Variants in NAALADL2 observed in about 807,000 individuals in gnomAD.
NAALADL2 encodes the protein N-acetylated alpha-linked acidic dipeptidase like 2, also known as inactive N-acetylated-alpha-linked acidic dipeptidase-like protein 2.
A neutral mutation model predicts 87.2 loss-of-function variants in NAALADL2; 76 were observed. That is an observed-to-expected ratio of 0.87 (90% CI 0.72 to 1.05). The LOEUF (loss-of-function observed/expected upper bound fraction) is 1.05, where lower values mean the gene tolerates loss of function less well. Among genes scored for constraint, NAALADL2 ranks in the 50% least tolerant of loss-of-function variants. The probability of loss-of-function intolerance (pLI) is 0.00; values close to 1 mark genes in which losing one functional copy is unlikely to be tolerated. For missense variants in NAALADL2, 1,089 were observed against 945.8 expected, an observed-to-expected ratio of 1.15 and a Z score of -1.99; for synonymous variants, 354 against 331.0, an observed-to-expected ratio of 1.07 and a Z score of -0.75.
At chr3:175,216,414 G>T (rs1742528296) in intron 2 of NAALADL2, among the ~76,000 whole-genome samples, 2 of 152,148 alleles carry the variant, frequency 1.3e-5, no homozygotes, top group African/African-American at 4.8e-5. Flanking sequence ...GATAGATGCA[G>T]ATAGTTGCAA....
intron 2 of NAALADL2, among the ~76,000 whole-genome samples, chr3:174,709,286 C>T (rs1326129603): frequency 6.6e-6 from 1 of 151,984 alleles, no homozygotes; most frequent in East Asian, 1.9e-4. Context: ...TCCTTGCAGT[C>T]AAAGTAAGAA....
chr3:175,698,503 A>ATATATATATATATATAT (rs1491393693), intron 11 of NAALADL2, among the ~76,000 whole-genome samples: 9 of 141,324 alleles, frequency 6.4e-5, no homozygotes, highest in African/African-American at 1.4e-4. Context: ...ATATATATAT[A>ATATATATATATATATAT]AAATCTCCAA....
At chr3:175,688,216 G>A (rs1185915673) in intron 11 of NAALADL2, among the ~76,000 whole-genome samples, 2 of 152,132 alleles carry the variant, frequency 1.3e-5, no homozygotes, top group South Asian at 2.1e-4. Context: ...ATTAATGAAC[G>A]ACCTCTTGCT....
At chr3:175,311,555 G>A (rs1758363031) in intron 4 of NAALADL2, among the ~76,000 whole-genome samples, 1 of 152,044 alleles carries the variant, frequency 6.6e-6, no homozygotes, top group Non-Finnish European at 1.5e-5. Flanking sequence ...GGTGGAATCA[G>A]TATATCTTAT....
At chr3:174,986,211 A>G (rs1285047690) in intron 1 of NAALADL2, among the ~76,000 whole-genome samples, 4 of 149,540 alleles carry the variant, frequency 2.7e-5, no homozygotes, top group Non-Finnish European at 4.4e-5. Flanking sequence ...AATACCTAGC[A>G]CCCACTGCTC....
At chr3:174,575,131 T>TA (rs1378015111) in intron 2 of NAALADL2, among the ~76,000 whole-genome samples, 1 of 151,972 alleles carries the variant, frequency 6.6e-6, no homozygotes, top group Admixed American at 6.6e-5. Flanking sequence ...GTTAATTTTT[T>TA]AAAAAAAATT....
intron 2 of NAALADL2, among the ~76,000 whole-genome samples, chr3:174,723,254 T>A (rs551233044): frequency 6.6e-6 from 1 of 152,226 alleles, no homozygotes; most frequent in Admixed American, 6.5e-5. Flanking sequence ...GTGAATTAAG[T>A]TAATTCACCT....
At chr3:175,174,843 GACACACAC>G (rs139298739) in intron 2 of NAALADL2, among the ~76,000 whole-genome samples, 11 of 150,638 alleles carry the variant, frequency 7.3e-5, no homozygotes, top group East Asian at 2.0e-4. Context: ...CATGCACACA[GACACACAC>G]ACACACACAC....
At chr3:174,958,410 T>C (rs1741467352) in intron 1 of NAALADL2, among the ~76,000 whole-genome samples, 1 of 151,988 alleles carries the variant, frequency 6.6e-6, no homozygotes, top group Non-Finnish European at 1.5e-5. Flanking sequence ...GTGTCAGGAA[T>C]GGGAAGCACA....
At chr3:175,511,110 G>C (rs182853507) in intron 9 of NAALADL2, among the ~76,000 whole-genome samples, 219 of 152,242 alleles carry the variant, frequency 1.4e-3, no homozygotes, top group Non-Finnish European at 2.7e-3. Flanking sequence ...GATAGTAAAA[G>C]TCAAATAGAT....
At chr3:175,386,844 C>T (rs1473196337) in intron 5 of NAALADL2, among the ~76,000 whole-genome samples, 1 of 152,022 alleles carries the variant, frequency 6.6e-6, no homozygotes, top group East Asian at 1.9e-4. Context: ...TGCGGTATCC[C>T]AGTGCTCGTG....
intron 1 of NAALADL2, among the ~76,000 whole-genome samples, chr3:175,057,059 C>T (rs1712358425): frequency 6.6e-6 from 1 of 152,170 alleles, no homozygotes; most frequent in Non-Finnish European, 1.5e-5. Context: ...AAGTTGCTTT[C>T]ACATTGACTA....
At chr3:175,410,019 A>T (rs928109262) in intron 5 of NAALADL2, among the ~76,000 whole-genome samples, 10 of 152,240 alleles carry the variant, frequency 6.6e-5, no homozygotes, top group African/African-American at 2.4e-4. Context: ...ATAACCAAAC[A>T]TAATTGTATA....
At chr3:175,321,411 C>A (rs1001829891) in intron 4 of NAALADL2, among the ~76,000 whole-genome samples, 10 of 108,308 alleles carry the variant, frequency 9.2e-5, no homozygotes, top group African/African-American at 4.6e-4. Context: ...GAAGCATTCC[C>A]TTTGAAAACT....
intron 1 of NAALADL2, among the ~76,000 whole-genome samples, chr3:175,087,236 G>A (rs1041041941): frequency 1.3e-5 from 2 of 152,086 alleles, no homozygotes; most frequent in African/African-American, 4.8e-5. Flanking sequence ...TTTGAGGAAG[G>A]TGGGGGGCAG....
chr3:175,253,863 G>C (rs62285903), intron 3 of NAALADL2, among the ~76,000 whole-genome samples: 22,959 of 152,086 alleles, frequency 0.15, 2,170 homozygotes, highest in Admixed American at 0.25. Flanking sequence ...AGTTGAACCT[G>C]AAGATGTGAC....
At chr3:174,997,079 G>A (rs1747598171) in intron 1 of NAALADL2, among the ~76,000 whole-genome samples, 1 of 140,642 alleles carries the variant, frequency 7.1e-6, no homozygotes, top group South Asian at 2.3e-4. Context: ...TAATCCACTC[G>A]TTGGTCCATG....
At chr3:175,067,723 C>T (rs1714797320) in intron 1 of NAALADL2, among the ~76,000 whole-genome samples, 1 of 152,040 alleles carries the variant, frequency 6.6e-6, no homozygotes, top group Non-Finnish European at 1.5e-5. Context: ...CCGTTTGACC[C>T]AGCAATCCCT....
intron 2 of NAALADL2, among the ~76,000 whole-genome samples, chr3:174,603,271 A>C (rs768955637): frequency 3.6e-4 from 55 of 152,048 alleles, no homozygotes; most frequent in African/African-American, 1.3e-3. Flanking sequence ...TTTTTATTAC[A>C]GCTTTGATCT....
Sources: allele counts gnomAD v4.1 joint callset (sites outside exome capture counted in the v4.1 genomes callset), GRCh38; gene constraint gnomAD v4.1.1; transcripts MANE v1.5; gene names NCBI Gene and HGNC (gene_info 2026-07-23, HGNC 2026-07-21).